Variants in ZFHX4 observed in about 807,000 individuals in gnomAD.
ZFHX4 encodes the protein zinc finger homeobox 4, also known as zinc finger homeobox protein 4.
A neutral mutation model predicts 267.6 loss-of-function variants in ZFHX4; 56 were observed. The ratio of observed to expected loss-of-function variants is 0.21; its 90% CI spans 0.17 to 0.26. The LOEUF (loss-of-function observed/expected upper bound fraction) is 0.26. Among genes scored for constraint, ZFHX4 ranks in the 10% least tolerant of loss-of-function variants. The probability of loss-of-function intolerance (pLI) is 1.00; values close to 1 mark genes in which losing one functional copy is unlikely to be tolerated. For synonymous variants in ZFHX4, 1,778 were observed against 1,665.6 expected (o/e 1.07, Z -1.64); for missense variants, 4,332 against 4,420.0 (o/e 0.98, Z 0.56).
intron 3 of ZFHX4, among the ~76,000 whole-genome samples, chr8:76,744,286 CGG>C (rs1554556939): frequency 6.6e-6 from 1 of 151,790 alleles, no homozygotes; most frequent in East Asian, 2.0e-4. Flanking sequence ...GCGGAGGTTG[CGG>C]GGAGTCGAGA....
chr8:76,772,633 G>A (rs1272364194), intron 3 of ZFHX4, among the ~76,000 whole-genome samples: 3 of 152,104 alleles, frequency 2.0e-5, no homozygotes, highest in African/African-American at 7.2e-5. Context: ...AGCACGACAT[G>A]GCCAGAGTGG....
rs1812566521 is a variant in ZFHX4 at position 76,852,641 on chromosome 8, A to G, written c.5720A>G (p.Asn1907Ser). Reference protein sequence around the residue: ...PPRIASGARGNAAKALLENFG... With the variant: ...PPRIASGARGSAAKALLENFG... ...CGAATAGCTTCAGGGGCCAGAGGAA[A>G]TGCTGCCAAAGCGTTATTGGAAAAC... The change falls in exon 10 of 11, where the codon AAT becomes AGT. Residue 1907 changes from asparagine (N) to serine (S), a missense_variant. Coordinates refer to ENST00000651372, the MANE Select transcript of ZFHX4 (RefSeq NM_024721.5). The G allele has an allele frequency of 6.2e-7, 1 of 1,613,454 alleles. No homozygotes were observed. Among genetic ancestry groups the G allele is most frequent in the South Asian group, 1.1e-5 (1 of 91,008 alleles).
chr8:76,706,726 T>A, intron 2 of ZFHX4, 48 bp downstream of exon 2: 1 of 1,474,712 alleles, frequency 6.8e-7, no homozygotes, highest in Non-Finnish European at 9.0e-7. Context: ...CTAATCACAT[T>A]TTGATTTGGC....
chr8:76,856,081 A>G lies in ZFHX4; in HGVS notation c.9160A>G (p.Thr3054Ala), dbSNP rs987641537. 1.2e-6 allele frequency: 2 copies of G among 1,613,862 alleles called. No homozygotes were observed. The highest frequency in any genetic ancestry group is 1.7e-6 in the Non-Finnish European group (2 of 1,179,884). Residue 3054 changes from threonine (T) to alanine (A), a missense_variant, in exon 10 of 11, where the codon ACG (threonine) becomes GCG (alanine). Coordinates refer to ENST00000651372, the MANE Select transcript of ZFHX4 (RefSeq NM_024721.5). ...DREKDYLAPTTVRQLMAQQEL... is the reference protein window; with the variant it reads ...DREKDYLAPTAVRQLMAQQEL... ...GGAGAAAGATTACTTGGCTCCGACC[A>G]CGGTTCGGCAGCTGATGGCACAGCA... is the stretch of plus-strand genomic sequence containing the variant.
intron 4 of ZFHX4, among the ~76,000 whole-genome samples, chr8:76,821,860 T>C (rs1811657279): frequency 6.6e-6 from 1 of 152,106 alleles, no homozygotes. Context: ...TTTGTAGGAG[T>C]GAATCCCAGG....
intron 4 of ZFHX4, among the ~76,000 whole-genome samples, chr8:76,827,862 A>G (rs1007209387): frequency 6.6e-6 from 1 of 152,206 alleles, no homozygotes; most frequent in African/African-American, 2.4e-5. Flanking sequence ...AGAAAATAAA[A>G]AATTACAAAT....
intron 4 of ZFHX4, among the ~76,000 whole-genome samples, chr8:76,829,943 G>C (rs1021809739): frequency 6.6e-6 from 1 of 152,056 alleles, no homozygotes; most frequent in Non-Finnish European, 1.5e-5. Context: ...AAAAATGAAC[G>C]CTAGAAATAA....
Position 76,854,063 on chromosome 8 carries a change from C to A in ZFHX4, c.7142C>A (p.Ala2381Glu). The change falls in exon 10 of 11, where the codon GCA becomes GAA. Residue 2381 changes from alanine (A) to glutamate (E), a missense_variant. This residue lies in a region of ZFHX4 where 1,648 missense variants were observed against 1,625.0 expected (regional missense o/e 1.01). Transcript: ENST00000651372. ...DAAKNAAAPA[A>E]SSGSGTSTPL... Reference sequence around the variant, plus strand: ...GCTAAAAACGCTGCTGCCCCTGCAGCAAGTTCTGGCTCTGGGACCAGCACC... The same window carrying A: ...GCTAAAAACGCTGCTGCCCCTGCAGAAAGTTCTGGCTCTGGGACCAGCACC... The A allele has an allele frequency of 6.2e-7, 1 of 1,613,942 alleles. No individual in the cohort carries two copies. The highest frequency in any genetic ancestry group is 2.2e-5 in the East Asian group (1 of 44,856).
chr8:76,692,921 T>C (rs1807860502), intron 1 of ZFHX4, among the ~76,000 whole-genome samples: 1 of 152,210 alleles, frequency 6.6e-6, no homozygotes, highest in African/African-American at 2.4e-5. Flanking sequence ...TGGTCATTTA[T>C]AAAAGGCCCT....
chr8:76,808,991 GT>G (rs1171088421), intron 4 of ZFHX4, among the ~76,000 whole-genome samples: 2 of 150,688 alleles, frequency 1.3e-5, no homozygotes, highest in Non-Finnish European at 3.0e-5. Flanking sequence ...TACCAGGGTT[GT>G]TTTTTTCTGT....
intron 3 of ZFHX4, among the ~76,000 whole-genome samples, chr8:76,766,624 C>G (rs1810057151): frequency 6.6e-6 from 1 of 151,826 alleles, no homozygotes; most frequent in Non-Finnish European, 1.5e-5. Context: ...GATTTGCAGA[C>G]CTTACAAGCA....
chr8:76,807,642 C>T (rs955796824), intron 4 of ZFHX4, among the ~76,000 whole-genome samples: 1 of 152,122 alleles, frequency 6.6e-6, no homozygotes, highest in Non-Finnish European at 1.5e-5. Context: ...AAAAGAGTAA[C>T]ACTGGCCACA....
intron 3 of ZFHX4, among the ~76,000 whole-genome samples, chr8:76,770,823 G>A (rs1049024741): frequency 2.6e-5 from 4 of 152,142 alleles, no homozygotes; most frequent in African/African-American, 9.7e-5. Context: ...TCTGGAAGCT[G>A]TATACTCAGA....
At chr8:76,737,545 G>A (rs1236976929) in intron 3 of ZFHX4, among the ~76,000 whole-genome samples, 6 of 152,040 alleles carry the variant, frequency 3.9e-5, no homozygotes, top group Non-Finnish European at 7.4e-5. Context: ...GTCTCAGCCT[G>A]GTCACATATT....
chr8:76,831,741 G>T (rs1429318673), intron 4 of ZFHX4, among the ~76,000 whole-genome samples: 5 of 152,126 alleles, frequency 3.3e-5, no homozygotes, highest in African/African-American at 1.2e-4. Flanking sequence ...CACAGAGGAG[G>T]TTTCACGTGC....
chr8:76,681,982 G>C (rs1395049770), intron 1 of ZFHX4, among the ~76,000 whole-genome samples: 1 of 152,136 alleles, frequency 6.6e-6, no homozygotes, highest in African/African-American at 2.4e-5. Flanking sequence ...GATCATCTAC[G>C]TTTGCTTGGG....
rs564088390 is a variant in ZFHX4, at chr8:76,835,077, A to G, written c.3394+1671A>G. On this transcript the variant is annotated intron_variant, in intron 5 of 10. Transcript: ENST00000651372. ...CTAAATTATAGGTTTTATACAAAGT[A>G]TATATTAATAAGCTGGATATTATTT... Among the ~76,000 whole-genome samples the G allele has an allele frequency of 1.1e-4, 16 of 151,018 alleles. No individual in the cohort carries two copies. In the South Asian group the frequency reaches 3.3e-3, roughly 31 times the overall value.
Position 76,853,220 on chromosome 8 carries a change from C to T in ZFHX4, c.6299C>T (p.Pro2100Leu). The change falls in exon 10 of 11, where the codon CCA (proline) becomes CTA (leucine). Residue 2100 changes from proline (P) to leucine (L), a missense_variant. Pro to Leu is a moderately conservative substitution (Grantham distance 98). Coordinates refer to ENST00000651372, the MANE Select transcript of ZFHX4 (RefSeq NM_024721.5). ...CCTCCCCAGCTTGCCCTGCAGCTGC[C>T]ACAGATGGACGCACTCTCTGCAGAC... ...ALPPQLALQL[P>L]QMDALSADLT... 1.3e-6 allele frequency: 2 copies of T among 1,568,250 alleles called. No homozygotes were observed. Among genetic ancestry groups the T allele is most frequent in the Non-Finnish European group, 1.7e-6 (2 of 1,156,304 alleles).
At chr8:76,767,865 T>C in intron 3 of ZFHX4, among the ~76,000 whole-genome samples, 1 of 152,154 alleles carries the variant, frequency 6.6e-6, no homozygotes, top group East Asian at 1.9e-4. Flanking sequence ...TGAAGATGGG[T>C]TTGACATTGG....
Sources: allele counts gnomAD v4.1 joint callset (sites outside exome capture counted in the v4.1 genomes callset), GRCh38; gene constraint gnomAD v4.1.1; regional missense constraint gnomAD v4.1.1; transcripts MANE v1.5; gene names NCBI Gene and HGNC (gene_info 2026-07-23, HGNC 2026-07-21).